Variants in TMEM35B observed in about 807,000 individuals in gnomAD.
The protein encoded by TMEM35B is ZMYM6 neighbor protein.
A neutral mutation model predicts 8.7 loss-of-function variants in TMEM35B; 6 were observed. The observed-to-expected ratio is 0.69, with a 90% CI of 0.38 to 1.36. TMEM35B has a LOEUF of 1.36. Among genes scored for constraint, TMEM35B ranks in the 40% most tolerant of loss-of-function variants. The pLI is 0.02. For missense variants in TMEM35B, 176 were observed against 181.6 expected, an observed-to-expected ratio of 0.97 and a Z score of 0.18; for synonymous variants, 89 against 87.0, an observed-to-expected ratio of 1.02 and a Z score of -0.13.
exon 3 of TMEM35B, chr1:34,981,990 G>T (rs1395957969): frequency 4.5e-6 from 7 of 1,549,906 alleles, no homozygotes; most frequent in Middle Eastern, 1.7e-4. Flanking sequence ...CTTCCTAGTG[G>T]GTCTGACCAC....
chr1:34,983,605 A>C (rs1413011302), intron 2 of TMEM35B, among the ~76,000 whole-genome samples, 162 bp downstream of exon 2: 1 of 143,978 alleles, frequency 6.9e-6, no homozygotes, highest in East Asian at 1.9e-4. Flanking sequence ...AAAAAAAAAA[A>C]TACCTGTGCT....
At chr1:34,981,594 T>C (rs1557546642) in exon 3 of TMEM35B, 1 of 155,140 alleles carries the variant, frequency 6.4e-6, no homozygotes, top group Non-Finnish European at 1.4e-5. Context: ...ATGGTTTTAT[T>C]TTCATTTAAA....
chr1:34,982,241 A>C (rs1015050287), intron 2 of TMEM35B, 122 bp from the exon 3 acceptor site: 2 of 751,146 alleles, frequency 2.7e-6, no homozygotes, highest in East Asian at 2.9e-5. Flanking sequence ...CACCCCCACC[A>C]CTCCTAACGC....
intron 2 of TMEM35B, among the ~76,000 whole-genome samples, chr1:34,983,175 G>A (rs1640524899): frequency 6.6e-6 from 1 of 152,164 alleles, no homozygotes; most frequent in Non-Finnish European, 1.5e-5. Flanking sequence ...GAGCAGAGGC[G>A]CTGAGCTTGC....
chr1:34,983,578 CAAAAA>C (rs1163962621), intron 2 of TMEM35B, among the ~76,000 whole-genome samples, 184 bp downstream of exon 2: 17 of 23,194 alleles, frequency 7.3e-4, no homozygotes, highest in African/African-American at 1.7e-3. Context: ...GACTCCATCT[CAAAAA>C]AAAAAAAAAA....
At chr1:34,982,207 T>G in intron 2 of TMEM35B, 88 bp from the exon 3 acceptor site, 1 of 1,235,314 alleles carries the variant, frequency 8.1e-7, no homozygotes, top group Non-Finnish European at 1.1e-6. Context: ...GCTGACCCAC[T>G]CCAGCCCAAG....
At chr1:34,982,665 C>CG (rs1188365991) in intron 2 of TMEM35B, among the ~76,000 whole-genome samples, 1 of 151,928 alleles carries the variant, frequency 6.6e-6, no homozygotes, top group African/African-American at 2.4e-5. Context: ...TTAGTAGAGA[C>CG]GGGGTTTCAT....
exon 3 of TMEM35B, chr1:34,981,955 A>T (rs1640510741): frequency 1.3e-6 from 2 of 1,539,054 alleles, no homozygotes; most frequent in Admixed American, 4.1e-5. Flanking sequence ...TACTTCCAGG[A>T]TTCCTTGAAT....
intron 2 of TMEM35B, 59 bp downstream of exon 2, chr1:34,983,708 G>T (rs951204006): frequency 7.3e-7 from 1 of 1,367,340 alleles, no homozygotes; most frequent in African/African-American, 1.5e-5. Context: ...GAACAGCCAG[G>T]TCTTTCCATA....
chr1:34,981,744 A>G (rs1168006800), exon 3 of TMEM35B: 4 of 363,818 alleles, frequency 1.1e-5, no homozygotes, highest in Admixed American at 4.6e-5. Flanking sequence ...TTCATATGAC[A>G]TGAGGAATGT....
At chr1:34,982,726 C>T (rs868635760) in intron 2 of TMEM35B, among the ~76,000 whole-genome samples, 9 of 152,150 alleles carry the variant, frequency 5.9e-5, no homozygotes, top group Admixed American at 3.3e-4. Flanking sequence ...CCGCCCGCCT[C>T]GGCCTCCCAA....
At chr1:34,984,174 ATCT>A (rs1250679886) in intron 1 of TMEM35B, among the ~76,000 whole-genome samples, 1 of 152,216 alleles carries the variant, frequency 6.6e-6, no homozygotes, top group African/African-American at 2.4e-5. Flanking sequence ...ACAGAGATTG[ATCT>A]TCTCACTAGA....
intron 2 of TMEM35B, 110 bp downstream of exon 2, chr1:34,983,657 C>G (rs1640531815): frequency 5.8e-6 from 5 of 858,244 alleles, no homozygotes; most frequent in Non-Finnish European, 8.0e-6. Flanking sequence ...AGAAAGTGCT[C>G]TTGATCCCAG....
chr1:34,984,177 T>A (rs1489265583), intron 1 of TMEM35B, among the ~76,000 whole-genome samples: 1 of 152,222 alleles, frequency 6.6e-6, no homozygotes, highest in East Asian at 1.9e-4. Flanking sequence ...GAGATTGATC[T>A]TCTCACTAGA....
chr1:34,983,889 G>T (rs1289030151), exon 2 of TMEM35B: 1 of 1,543,874 alleles, frequency 6.5e-7, no homozygotes, highest in East Asian at 2.5e-5. Flanking sequence ...CAGGGGATCT[G>T]GCTGGTAGCC....
intron 1 of TMEM35B, among the ~76,000 whole-genome samples, chr1:34,984,846 A>C (rs1557549203): frequency 6.6e-6 from 1 of 151,980 alleles, no homozygotes; most frequent in Non-Finnish European, 1.5e-5. Flanking sequence ...AACTGAAGCA[A>C]ACGGCGAAAA....
At chr1:34,984,166 A>G (rs1007015100) in intron 1 of TMEM35B, among the ~76,000 whole-genome samples, 2 of 152,236 alleles carry the variant, frequency 1.3e-5, no homozygotes, top group African/African-American at 2.4e-5. Context: ...CAAGTGGTAC[A>G]GAGATTGATC....
chr1:34,982,622 G>A (rs566642301), intron 2 of TMEM35B, among the ~76,000 whole-genome samples: 26 of 151,984 alleles, frequency 1.7e-4, no homozygotes, highest in Middle Eastern at 3.4e-3. Flanking sequence ...GATTACAGGC[G>A]CGCACCACCA....
At chr1:34,983,620 T>A in intron 2 of TMEM35B, 147 bp downstream of exon 2, 1 of 518,970 alleles carries the variant, frequency 1.9e-6, no homozygotes, top group South Asian at 6.1e-5. Context: ...TGTGCTAGTT[T>A]GAAGACCATG....
Sources: gnomAD v4.1 joint callset for allele counts (sites outside exome capture counted in the v4.1 genomes callset) on GRCh38, gnomAD v4.1.1 for gene constraint, MANE v1.5 for transcripts, NCBI Gene and HGNC (gene_info 2026-07-23, HGNC 2026-07-21) for gene names.